Variants in HECTD4 observed in about 807,000 individuals in gnomAD.
HECTD4 encodes probable E3 ubiquitin-protein ligase HECTD4.
HECTD4 carries 114 observed loss-of-function variants against 471.5 expected under a neutral mutation model. The observed-to-expected ratio is 0.24, with a 90% CI of 0.21 to 0.28. The LOEUF (loss-of-function observed/expected upper bound fraction) is 0.28, where lower values mean the gene tolerates loss of function less well. Among genes scored for constraint, HECTD4 ranks in the 10% least tolerant of loss-of-function variants. The pLI, the probability that HECTD4 is intolerant of heterozygous loss-of-function variation, is 1.00. For missense variants in HECTD4, 3,866 were observed against 5,651.5 expected (o/e 0.68, Z 10.13); for synonymous variants, 2,012 against 2,256.0 (o/e 0.89, Z 3.07).
intron 50 of HECTD4, among the ~76,000 whole-genome samples, chr12:112,208,994 G>A (rs2032678459): frequency 7.2e-6 from 1 of 138,700 alleles, no homozygotes; most frequent in Non-Finnish European, 1.5e-5. Flanking sequence ...TAAACCTCCT[G>A]GGCTCCAGCG....
chr12:112,299,611 ACT>A (rs1179678024), intron 7 of HECTD4, among the ~76,000 whole-genome samples: 1 of 150,624 alleles, frequency 6.6e-6, no homozygotes, highest in Non-Finnish European at 1.5e-5. Flanking sequence ...TGACAGACAG[ACT>A]CTGTCTCAAA....
chr12:112,296,319 G>A (rs2035012532), intron 7 of HECTD4, among the ~76,000 whole-genome samples: 1 of 151,840 alleles, frequency 6.6e-6, no homozygotes, highest in Non-Finnish European at 1.5e-5. Flanking sequence ...TGGGTGCAGA[G>A]GGTGTAGGTG....
intron 54 of HECTD4, chr12:112,203,049 G>A (rs1274534248): frequency 1.3e-5 from 2 of 152,182 alleles, no homozygotes; most frequent in East Asian, 3.9e-4. Flanking sequence ...CTCCCAGGCT[G>A]AAACGATCCT....
chr12:112,272,550 T>C (rs1338060223), intron 11 of HECTD4, among the ~76,000 whole-genome samples: 1 of 152,228 alleles, frequency 6.6e-6, no homozygotes, highest in Non-Finnish European at 1.5e-5. Context: ...CTCTGGTTTT[T>C]ACTTTCTGTT....
rs369026431 is a variant in HECTD4, at chr12:112,213,469, A to G, written c.7466-819T>C. 9.6e-5 allele frequency among the ~76,000 whole-genome samples: 14 copies of G among 146,060 alleles called. No homozygotes were observed. The East Asian group carries it at 2.8e-3, about 29-fold the overall frequency. On this transcript the variant is annotated intron_variant, in intron 48 of 75. Transcript: ENST00000682272. This position sits in a 1 kb window ranked among gnomAD's most constrained non-coding sequence, Gnocchi z 4.0. ...TGGGAGGCCGAGGTGGGTGGATCACAAGGTCAGGAGATCGAGTCCATCCTG... is the reference window on the plus strand; with the variant it reads ...TGGGAGGCCGAGGTGGGTGGATCACGAGGTCAGGAGATCGAGTCCATCCTG...
intron 7 of HECTD4, chr12:112,302,417 T>C: frequency 1.3e-6 from 1 of 754,804 alleles, no homozygotes; most frequent in Non-Finnish European, 2.4e-6. Flanking sequence ...GTTCAGGGCC[T>C]GGGTGAACTG....
chr12:112,244,830 T>G (rs2033722729), intron 29 of HECTD4, among the ~76,000 whole-genome samples: 1 of 152,216 alleles, frequency 6.6e-6, no homozygotes, highest in Non-Finnish European at 1.5e-5. Flanking sequence ...AGTTGGAATC[T>G]GAACTGGTCT....
At chr12:112,261,740 C>T (rs2034150180) in intron 17 of HECTD4, 2 of 200,272 alleles carry the variant, frequency 1.0e-5, no homozygotes, top group African/African-American at 2.3e-5. Flanking sequence ...AAATATTTCC[C>T]ATCCCATCCA....
At position 112,232,860 on chromosome 12, in the gene HECTD4, T is replaced by C. The variant is rs1241854503; in HGVS notation, c.5997+144A>G. The C allele has an allele frequency of 7.5e-6, 5 of 669,334 alleles. No homozygotes were observed. The Admixed American group carries it at 1.2e-4, about 16-fold the overall frequency. 41.5% of individuals were successfully genotyped at this position (669,334 alleles called of 1,614,324 possible). A position where few individuals can be genotyped will look rare whatever the true frequency, so the allele number is the denominator to read the frequency against. On this transcript the variant is annotated intron_variant, in intron 38 of 75. Coordinates refer to ENST00000682272, the MANE Select transcript of HECTD4 (RefSeq NM_001388303.1). ...CTAGTTCTCTTTAAAATGGCCTCAGTTAAGGCACTGACTTCAATTTCTCAC... is the reference window on the plus strand; with the variant it reads ...CTAGTTCTCTTTAAAATGGCCTCAGCTAAGGCACTGACTTCAATTTCTCAC...
chr12:112,344,556 G>A (rs1474296992), intron 1 of HECTD4, among the ~76,000 whole-genome samples: 1 of 152,190 alleles, frequency 6.6e-6, no homozygotes, highest in African/African-American at 2.4e-5. Flanking sequence ...GATAGACTGG[G>A]GGGAAGATGG....
intron 60 of HECTD4, among the ~76,000 whole-genome samples, chr12:112,187,622 C>CTT (rs150976845): frequency 2.0e-3 from 172 of 85,970 alleles, no homozygotes; most frequent in Non-Finnish European, 2.6e-3. Context: ...GTTTCCTTTC[C>CTT]TTTTTTTTTT....
intron 72 of HECTD4, among the ~76,000 whole-genome samples, chr12:112,164,694 C>T (rs567203853): frequency 2.6e-5 from 4 of 151,640 alleles, no homozygotes; most frequent in South Asian, 4.2e-4. Context: ...AATCTTGGCT[C>T]GCTGCAACCC....
chr12:112,226,471 T>TGG, intron 44 of HECTD4, 172 bp downstream of exon 44: 2 of 450,602 alleles, frequency 4.4e-6, no homozygotes, highest in Non-Finnish European at 7.9e-6. Flanking sequence ...ATTAAAAGCT[T>TGG]TTTATTTACA....
At chr12:112,237,329 T>C (rs11066207) in intron 34 of HECTD4, among the ~76,000 whole-genome samples, 35,859 of 152,030 alleles carry the variant, frequency 0.24, 6,950 homozygotes, top group East Asian at 0.85. Flanking sequence ...TATGATTAAT[T>C]CATACATAAC....
At chr12:112,178,878 C>T in intron 64 of HECTD4, 53 bp downstream of exon 64, 1 of 1,552,272 alleles carries the variant, frequency 6.4e-7, no homozygotes. Flanking sequence ...GCTCGGAGGC[C>T]TCCCCCACAT....
intron 53 of HECTD4, 104 bp downstream of exon 53, chr12:112,204,382 A>G: frequency 8.9e-7 from 1 of 1,119,222 alleles, no homozygotes; most frequent in South Asian, 1.5e-5. Flanking sequence ...CGGAGTAAGG[A>G]GAGTCACCCT....
chr12:112,164,344 C>G (rs997494396), intron 72 of HECTD4, 69 bp from the exon 73 acceptor site: 3 of 1,521,134 alleles, frequency 2.0e-6, no homozygotes, highest in Middle Eastern at 1.8e-4. Flanking sequence ...CCCCAGGTGG[C>G]TGGGTAAACC....
Position 112,193,953 on chromosome 12 carries a change from A to G in HECTD4, c.8750-279T>C, listed in dbSNP as rs1367486069. Among the ~76,000 whole-genome samples the G allele has an allele frequency of 6.6e-6, 1 of 152,184 alleles. No individual in the cohort carries two copies. On this transcript the variant is annotated intron_variant, in intron 56 of 75. Transcript: ENST00000682272. The surrounding 1 kb of genome is among the most constrained non-coding windows in gnomAD (Gnocchi z 5.2). Reference sequence around the variant, plus strand: ...ACACAGAGGCCCAGGTCTACGAAATATATCAAATGGGGCTGCTTGGATCCA... The same window carrying G: ...ACACAGAGGCCCAGGTCTACGAAATGTATCAAATGGGGCTGCTTGGATCCA...
At chr12:112,269,172 C>T (rs1171049800) in intron 13 of HECTD4, among the ~76,000 whole-genome samples, 1 of 152,046 alleles carries the variant, frequency 6.6e-6, no homozygotes, top group Non-Finnish European at 1.5e-5. Flanking sequence ...CGCGCCCGGC[C>T]CTGAAAAGGT....
Sources: gnomAD v4.1 joint callset for allele counts (sites outside exome capture counted in the v4.1 genomes callset) on GRCh38, gnomAD v4.1.1 for gene constraint, Gnocchi (gnomAD v3.1) non-coding constraint, MANE v1.5 for transcripts, NCBI Gene and HGNC (gene_info 2026-07-23, HGNC 2026-07-21) for gene names.